DIAPH2: variants seen among roughly 807,000 people sequenced by gnomAD.
The protein encoded by DIAPH2 is diaphanous related formin 2, also known as protein diaphanous homolog 2.
A neutral mutation model predicts 92.7 loss-of-function variants in DIAPH2; 35 were observed. The observed-to-expected ratio is 0.38, with a 90% CI of 0.29 to 0.50. The LOEUF (loss-of-function observed/expected upper bound fraction) is 0.50, where lower values mean the gene tolerates loss of function less well. DIAPH2 is among the 20% of genes least tolerant of loss of function. The probability of loss-of-function intolerance (pLI) is 0.94; values close to 1 mark genes in which losing one functional copy is unlikely to be tolerated. For missense variants in DIAPH2, 701 were observed against 819.5 expected (o/e 0.86, Z 1.77); for synonymous variants, 301 against 280.4 (o/e 1.07, Z -0.73).
At chrX:97,222,931 C>T (rs1244180957) in intron 22 of DIAPH2, among the ~76,000 whole-genome samples, 1 of 111,277 alleles carries the variant, frequency 9.0e-6, no homozygotes, top group Non-Finnish European at 1.9e-5. Context: ...AAGGGATCCT[C>T]CTATCTCAGT....
At chrX:97,117,778 C>T (rs980208459) in intron 21 of DIAPH2, among the ~76,000 whole-genome samples, 7 of 111,946 alleles carry the variant, frequency 6.3e-5, no homozygotes, top group African/African-American at 1.6e-4. Flanking sequence ...GTAATTACTA[C>T]CTTCACCACA....
At chrX:97,594,930 C>T (rs764748446) in intron 26 of DIAPH2, among the ~76,000 whole-genome samples, 162 of 111,062 alleles carry the variant, frequency 1.5e-3, no homozygotes, top group Admixed American at 5.4e-3. Context: ...GAATAATGGA[C>T]GTGGCCCTTT....
chrX:96,751,035 C>T (rs1171668067), intron 3 of DIAPH2, among the ~76,000 whole-genome samples: 1 of 112,057 alleles, frequency 8.9e-6, no homozygotes, highest in East Asian at 2.8e-4. Context: ...GTATAACATT[C>T]TAATTATTGC....
chrX:97,236,548 T>TC (rs1164358900), intron 22 of DIAPH2, among the ~76,000 whole-genome samples: 6 of 101,069 alleles, frequency 5.9e-5, no homozygotes, highest in African/African-American at 2.2e-4. Flanking sequence ...CATTTTCATT[T>TC]TTTTTTTTTT....
At chrX:97,455,006 A>G (rs1182961448) in intron 26 of DIAPH2, among the ~76,000 whole-genome samples, 3 of 112,438 alleles carry the variant, frequency 2.7e-5, no homozygotes, top group Non-Finnish European at 5.6e-5. Flanking sequence ...TTTGATGTTC[A>G]TGATAATTAT....
intron 21 of DIAPH2, among the ~76,000 whole-genome samples, chrX:97,129,630 A>C (rs1246632572): frequency 8.9e-6 from 1 of 111,755 alleles, no homozygotes; most frequent in Non-Finnish European, 1.9e-5. Context: ...GGGCAAAGAG[A>C]ACTAATGGTG....
intron 20 of DIAPH2, among the ~76,000 whole-genome samples, chrX:97,110,517 A>C (rs2066971938): frequency 8.9e-6 from 1 of 111,795 alleles, no homozygotes; most frequent in Non-Finnish European, 1.9e-5. Flanking sequence ...TAAAATTATG[A>C]GTTTCTATAT....
intron 25 of DIAPH2, among the ~76,000 whole-genome samples, chrX:97,394,778 A>G (rs1329185444): frequency 1.8e-5 from 2 of 112,171 alleles, no homozygotes; most frequent in Non-Finnish European, 3.8e-5. Context: ...CATTGTAGCA[A>G]TCATCAAATG....
chrX:97,573,047 A>C (rs2147875254), intron 26 of DIAPH2, among the ~76,000 whole-genome samples: 1 of 111,635 alleles, frequency 9.0e-6, no homozygotes, highest in Admixed American at 9.6e-5. Context: ...GATGTCCCAT[A>C]TGGTTTAAAC....
At chrX:96,905,399 A>G (rs1245940925) in intron 5 of DIAPH2, among the ~76,000 whole-genome samples, 1 of 111,341 alleles carries the variant, frequency 9.0e-6, no homozygotes, top group Non-Finnish European at 1.9e-5. Flanking sequence ...GAAACTGTGA[A>G]ATGTTGTCCT....
chrX:97,499,980 T>A (rs1455927280), intron 26 of DIAPH2, among the ~76,000 whole-genome samples: 1 of 112,307 alleles, frequency 8.9e-6, no homozygotes, highest in Non-Finnish European at 1.9e-5. Flanking sequence ...GAGATCAGTT[T>A]ACTCTGGGTT....
chrX:97,119,728 G>A (rs1181749979), intron 21 of DIAPH2, among the ~76,000 whole-genome samples: 1 of 111,408 alleles, frequency 9.0e-6, no homozygotes, highest in Non-Finnish European at 1.9e-5. Context: ...GTCTTGTTGC[G>A]GCTGCTGAGC....
chrX:97,230,337 A>G (rs974085166), intron 22 of DIAPH2, among the ~76,000 whole-genome samples: 1 of 111,804 alleles, frequency 8.9e-6, no homozygotes, highest in Non-Finnish European at 1.9e-5. Flanking sequence ...GATTAGAGGC[A>G]TTTTTGGAAA....
intron 21 of DIAPH2, among the ~76,000 whole-genome samples, chrX:97,131,839 G>A (rs955776127): frequency 1.8e-5 from 2 of 112,281 alleles, no homozygotes; most frequent in South Asian, 7.4e-4. Flanking sequence ...TCTTTGCATA[G>A]ATATATTTCA....
At chrX:96,880,715 A>G (rs1312912410) in intron 4 of DIAPH2, among the ~76,000 whole-genome samples, 2 of 111,728 alleles carry the variant, frequency 1.8e-5, no homozygotes, top group Non-Finnish European at 3.8e-5. Context: ...TAATTCAGGG[A>G]TATACATTTA....
At chrX:97,432,995 C>T (rs1194744852) in intron 26 of DIAPH2, among the ~76,000 whole-genome samples, 1 of 111,116 alleles carries the variant, frequency 9.0e-6, no homozygotes, top group Non-Finnish European at 1.9e-5. Context: ...ATTAGAAAAT[C>T]AAAATGTTAA....
intron 5 of DIAPH2, among the ~76,000 whole-genome samples, chrX:96,901,457 A>G (rs1270609100): frequency 1.3e-5 from 1 of 76,081 alleles, no homozygotes; most frequent in Non-Finnish European, 2.7e-5. Context: ...TTTGAATTTC[A>G]TTTAGTTCTG....
At chrX:97,315,578 T>C (rs1218752994) in intron 23 of DIAPH2, among the ~76,000 whole-genome samples, 1 of 111,362 alleles carries the variant, frequency 9.0e-6, no homozygotes, top group Admixed American at 9.7e-5. Flanking sequence ...TTTTATAAAT[T>C]GGGTTTTTGT....
intron 22 of DIAPH2, among the ~76,000 whole-genome samples, chrX:97,215,057 C>G (rs2147509704): frequency 9.1e-6 from 1 of 109,650 alleles, no homozygotes; most frequent in African/African-American, 3.3e-5. Flanking sequence ...GAAAAAAATC[C>G]CCTGGTATTC....
Sources: gnomAD v4.1 joint callset for allele counts (sites outside exome capture counted in the v4.1 genomes callset) on GRCh38, gnomAD v4.1.1 for gene constraint, MANE v1.5 for transcripts, NCBI Gene and HGNC (gene_info 2026-07-23, HGNC 2026-07-21) for gene names.